Variants in CERT1 observed in about 807,000 individuals in gnomAD.
CERT1 encodes ceramide transporter 1.
Under a neutral mutation model 87.9 loss-of-function variants are expected in CERT1, and 31 were observed. That is an observed-to-expected ratio of 0.35 (90% CI 0.27 to 0.48). CERT1 has a LOEUF of 0.48. CERT1 is among the 20% of genes least tolerant of loss of function. CERT1 has a pLI of 0.99. For missense variants in CERT1, 487 were observed against 758.0 expected, an observed-to-expected ratio of 0.64 and a Z score of 4.20; for synonymous variants, 289 against 250.9, an observed-to-expected ratio of 1.15 and a Z score of -1.44.
At chr5:75,408,799 G>A (rs10068901) in intron 8 of CERT1, among the ~76,000 whole-genome samples, 1,637 of 151,942 alleles carry the variant, frequency 0.011, 17 homozygotes, top group East Asian at 0.021. Flanking sequence ...AAAGAAACAT[G>A]AATATCTGAT....
intron 2 of CERT1, among the ~76,000 whole-genome samples, chr5:75,481,722 C>T (rs1766255780): frequency 6.6e-6 from 1 of 152,100 alleles, no homozygotes; most frequent in South Asian, 2.1e-4. Flanking sequence ...AACATATTGA[C>T]TTGATGTATC....
intron 7 of CERT1, among the ~76,000 whole-genome samples, chr5:75,414,506 AT>A (rs1246727077): frequency 2.0e-5 from 3 of 152,316 alleles, no homozygotes; most frequent in Non-Finnish European, 4.4e-5. Flanking sequence ...TGTGAATCTA[AT>A]AATGTAAGAA....
intron 16 of CERT1, among the ~76,000 whole-genome samples, chr5:75,380,317 A>G (rs1447429482): frequency 6.6e-6 from 1 of 152,194 alleles, no homozygotes; most frequent in African/African-American, 2.4e-5. Flanking sequence ...CTGACAATGA[A>G]TGTCAAAGAG....
intron 3 of CERT1, among the ~76,000 whole-genome samples, chr5:75,450,632 C>T (rs969546969): frequency 2.6e-5 from 4 of 152,132 alleles, no homozygotes; most frequent in African/African-American, 9.7e-5. Flanking sequence ...TCTGGTGAGG[C>T]AGCCACCCAT....
chr5:75,388,694 C>G (rs913763350), intron 12 of CERT1, among the ~76,000 whole-genome samples: 1 of 147,304 alleles, frequency 6.8e-6, no homozygotes, highest in African/African-American at 2.5e-5. Context: ...GGCACAAACG[C>G]GGCTCATTGC....
chr5:75,473,535 A>G (rs372596929), intron 2 of CERT1, among the ~76,000 whole-genome samples: 3 of 152,302 alleles, frequency 2.0e-5, no homozygotes, highest in African/African-American at 7.2e-5. Context: ...ATCTCATGGA[A>G]ATAGAGAGTA....
At chr5:75,376,555 T>C (rs974844367), downstream of CERT1, 4 of 152,202 alleles carry the variant, frequency 2.6e-5, no homozygotes, top group Non-Finnish European at 5.9e-5. Flanking sequence ...TTGATAAATA[T>C]GGCACAGACT....
intron 2 of CERT1, among the ~76,000 whole-genome samples, chr5:75,499,867 G>A (rs1194834215): frequency 2.0e-5 from 3 of 152,160 alleles, no homozygotes; most frequent in Non-Finnish European, 2.9e-5. Context: ...GGGTTGAACT[G>A]TGCCCCCCTC....
intron 2 of CERT1, among the ~76,000 whole-genome samples, chr5:75,485,329 A>AAAAAAAAAAAG: frequency 1.3e-5 from 2 of 149,036 alleles, no homozygotes; most frequent in African/African-American, 2.4e-5. Context: ...AAAAAAAAAA[A>AAAAAAAAAAAG]AAAAAAAAGA....
chr5:75,381,696 T>C (rs567438880), intron 15 of CERT1, among the ~76,000 whole-genome samples: 121 of 152,174 alleles, frequency 8.0e-4, no homozygotes, highest in African/African-American at 2.7e-3. Flanking sequence ...GCCCAGTGTA[T>C]GTACTGCCCT....
intron 11 of CERT1, among the ~76,000 whole-genome samples, chr5:75,390,808 T>TC (rs888696127): frequency 3.7e-4 from 56 of 152,016 alleles, no homozygotes; most frequent in African/African-American, 1.3e-3. Flanking sequence ...ATAATCAACT[T>TC]CCCCCCTACC....
At position 75,422,623 on chromosome 5, in the gene CERT1, AAATCAAAGGATC is replaced by A. The variant is rs570682077; in HGVS notation, c.595+2726_595+2737del. 2.3e-3 allele frequency among the ~76,000 whole-genome samples: 345 copies of A among 152,320 alleles called. 4 individuals are homozygous for A. The highest frequency in any genetic ancestry group is 0.015 in the Admixed American group (223 of 15,296). Reference sequence around the variant, plus strand: ...CAGAGGGAGACCCAGTATCAAATAAAAATCAAAGGATCAATCAATCAGTCAGTATCTCACAAA... The same window carrying A: ...CAGAGGGAGACCCAGTATCAAATAAAAATCAATCAGTCAGTATCTCACAAA... On this transcript the variant is annotated intron_variant, in intron 5 of 16. Transcript: ENST00000643780.
intron 7 of CERT1, among the ~76,000 whole-genome samples, chr5:75,411,454 C>T (rs764671243): frequency 1.1e-4 from 16 of 152,174 alleles, no homozygotes; most frequent in African/African-American, 2.7e-4. Context: ...GCTGGGATTA[C>T]AGGCTTGTGC....
At chr5:75,401,145 A>C (rs1762457892) in intron 9 of CERT1, 1 of 152,198 alleles carries the variant, frequency 6.6e-6, no homozygotes, top group South Asian at 2.1e-4. Context: ...CTGTCATATC[A>C]ACATGCCTGG....
intron 5 of CERT1, among the ~76,000 whole-genome samples, chr5:75,419,641 A>G (rs1763288514): frequency 6.6e-6 from 1 of 151,844 alleles, no homozygotes; most frequent in African/African-American, 2.4e-5. Flanking sequence ...TCTCCCCTCA[A>G]CCCCTGAATA....
intron 7 of CERT1, among the ~76,000 whole-genome samples, chr5:75,412,582 T>A (rs539971839): frequency 2.0e-4 from 30 of 152,312 alleles, no homozygotes; most frequent in Admixed American, 1.6e-3. Context: ...TGTACTTATA[T>A]AAACCTAGAT....
chr5:75,417,510 C>T (rs1763184112), intron 6 of CERT1, among the ~76,000 whole-genome samples: 2 of 152,112 alleles, frequency 1.3e-5, no homozygotes, highest in African/African-American at 4.8e-5. Context: ...TTTTACGTTT[C>T]AATTTTATCA....
At chr5:75,487,910 G>A (rs1213946688) in intron 2 of CERT1, among the ~76,000 whole-genome samples, 2 of 151,986 alleles carry the variant, frequency 1.3e-5, no homozygotes, top group African/African-American at 4.8e-5. Context: ...CAAATAACAT[G>A]GATGGAACTG....
intron 2 of CERT1, among the ~76,000 whole-genome samples, chr5:75,489,110 G>T: frequency 6.6e-6 from 1 of 152,084 alleles, no homozygotes; most frequent in Admixed American, 6.5e-5. Flanking sequence ...ACAAACATCT[G>T]ATCTCTGACA....
Sources: gnomAD v4.1 joint callset for allele counts (sites outside exome capture counted in the v4.1 genomes callset) on GRCh38, gnomAD v4.1.1 for gene constraint, MANE v1.5 for transcripts, NCBI Gene and HGNC (gene_info 2026-07-23, HGNC 2026-07-21) for gene names.